Variants in DNAAF9 observed in about 807,000 individuals in gnomAD.
DNAAF9 encodes dynein axonemal assembly factor 9.
Under a neutral mutation model 167.0 loss-of-function variants are expected in DNAAF9, and 90 were observed. The ratio of observed to expected loss-of-function variants is 0.54; its 90% CI spans 0.45 to 0.64. The LOEUF (loss-of-function observed/expected upper bound fraction) is 0.64. Ranked by LOEUF, DNAAF9 falls within the 30% of genes least tolerant of loss-of-function variation. The probability of loss-of-function intolerance (pLI) is 0.00; values close to 1 mark genes in which losing one functional copy is unlikely to be tolerated. For synonymous variants in DNAAF9, 491 were observed against 508.8 expected (o/e 0.96, Z 0.47); for missense variants, 1,315 against 1,442.2 (o/e 0.91, Z 1.43).
At chr20:3,281,612 T>G in intron 28 of DNAAF9, 29 bp downstream of exon 28, 1 of 1,556,628 alleles carries the variant, frequency 6.4e-7, no homozygotes, top group Non-Finnish European at 8.7e-7. Flanking sequence ...TCACTTTCAG[T>G]ACACTTACAC....
At chr20:3,343,099 T>C (rs1194809741) in intron 9 of DNAAF9, among the ~76,000 whole-genome samples, 14 of 152,234 alleles carry the variant, frequency 9.2e-5, no homozygotes, top group Non-Finnish European at 1.9e-4. Flanking sequence ...TTGCTTCCTG[T>C]CATTTTCCTG....
At chr20:3,376,720 A>G (rs557007272) in intron 3 of DNAAF9, among the ~76,000 whole-genome samples, 1 of 152,340 alleles carries the variant, frequency 6.6e-6, no homozygotes, top group Non-Finnish European at 1.5e-5. Flanking sequence ...GTGGATTCAA[A>G]GATTTTCTGA....
At chr20:3,372,263 A>T (rs187625329) in intron 6 of DNAAF9, among the ~76,000 whole-genome samples, 2 of 152,250 alleles carry the variant, frequency 1.3e-5, no homozygotes, top group African/African-American at 4.8e-5. Context: ...TCTGTAGGCC[A>T]AACTGCTCCA....
intron 7 of DNAAF9, among the ~76,000 whole-genome samples, chr20:3,359,227 C>A (rs897447584): frequency 6.6e-6 from 1 of 152,142 alleles, no homozygotes; most frequent in Non-Finnish European, 1.5e-5. Context: ...AAAGTCCAGT[C>A]CAACAGAAAG....
At chr20:3,303,948 G>A (rs1366172196) in intron 21 of DNAAF9, among the ~76,000 whole-genome samples, 1 of 152,194 alleles carries the variant, frequency 6.6e-6, no homozygotes, top group African/African-American at 2.4e-5. Context: ...GAGGGAGGAG[G>A]GGCTAAACTC....
intron 1 of DNAAF9, among the ~76,000 whole-genome samples, chr20:3,393,147 A>G (rs957313796): frequency 6.6e-6 from 1 of 152,154 alleles, no homozygotes; most frequent in Non-Finnish European, 1.5e-5. Flanking sequence ...ATACCTGATC[A>G]CTAATGATGT....
Position 3,250,363 on chromosome 20 carries a change from T to C in DNAAF9, c.*2209A>G, listed in dbSNP as rs1462639710. 6.6e-6 allele frequency: 1 copy of C among 152,226 alleles called. No homozygotes were observed. The highest frequency in any genetic ancestry group is 2.4e-5 in the African/African-American group (1 of 41,452). 9.4% of individuals were successfully genotyped at this position (152,226 alleles called of 1,614,324 possible). A position where few individuals can be genotyped will look rare whatever the true frequency, so the allele number is the denominator to read the frequency against. On this transcript the variant is annotated 3_prime_UTR_variant, in exon 37 of 37. Transcript: ENST00000252032. ...GTGCACCGCGGGTGTGCCTTATCAG[T>C]GGGGCAGAGCAAGTGGCCCCAGGAA...
At chr20:3,362,471 T>C (rs1249565280) in intron 6 of DNAAF9, 1 of 386,248 alleles carries the variant, frequency 2.6e-6, no homozygotes, top group Non-Finnish European at 4.5e-6. Context: ...AACAGCTTCA[T>C]TTTTTTCACC....
chr20:3,333,865 G>A (rs969096761), intron 10 of DNAAF9, among the ~76,000 whole-genome samples: 4 of 152,074 alleles, frequency 2.6e-5, no homozygotes, highest in African/African-American at 9.7e-5. Flanking sequence ...CAGTAGAATG[G>A]GATCTATACA....
intron 10 of DNAAF9, 71 bp downstream of exon 10, chr20:3,340,433 T>TCCCCTC: frequency 9.0e-6 from 2 of 221,214 alleles, no homozygotes; most frequent in Non-Finnish European, 1.9e-5. Flanking sequence ...TTTGTCTAGC[T>TCCCCTC]CCCCCCACCC....
intron 20 of DNAAF9, among the ~76,000 whole-genome samples, chr20:3,310,577 C>T (rs1215303273): frequency 2.6e-5 from 4 of 151,586 alleles, no homozygotes; most frequent in African/African-American, 7.3e-5. Context: ...CCCAGCTACT[C>T]GGGAGGCTGA....
In DNAAF9 at chr20:3,281,781, A is replaced by C; in HGVS notation, c.2487-15T>G. ...CATCTGTGTAGCTGGGGAAGGTAAA[A>C]AAGGAATGATTAGTTCACTGACTGG... On this transcript the variant is annotated splice_polypyrimidine_tract_variant and intron_variant, in intron 27 of 36. Transcript: ENST00000252032. 1 of 1,603,816 alleles carries C rather than the reference A, an allele frequency of 6.2e-7. No individual in the cohort carries two copies. Among genetic ancestry groups the C allele is most frequent in the Non-Finnish European group, 8.5e-7 (1 of 1,175,846 alleles).
At chr20:3,335,259 T>A (rs1037950090) in intron 10 of DNAAF9, among the ~76,000 whole-genome samples, 1 of 152,220 alleles carries the variant, frequency 6.6e-6, no homozygotes, top group Non-Finnish European at 1.5e-5. Context: ...CTTTAAGTTA[T>A]TCTTTTAGGT....
intron 20 of DNAAF9, among the ~76,000 whole-genome samples, chr20:3,309,797 T>C (rs980030621): frequency 1.3e-5 from 2 of 152,206 alleles, no homozygotes; most frequent in African/African-American, 4.8e-5. Flanking sequence ...TAAGAACTTT[T>C]ATTCATGAAA....
At chr20:3,326,047 T>C (rs2069704953) in intron 13 of DNAAF9, 150 bp downstream of exon 13, 1 of 612,462 alleles carries the variant, frequency 1.6e-6, no homozygotes, top group Admixed American at 2.9e-5. Context: ...AGAAGCTCAG[T>C]GCTCTCAGGG....
chr20:3,304,249 T>C (rs572536852), intron 21 of DNAAF9, among the ~76,000 whole-genome samples, 191 bp downstream of exon 21: 1 of 152,174 alleles, frequency 6.6e-6, no homozygotes, highest in Non-Finnish European at 1.5e-5. Flanking sequence ...GTGAGGTTGA[T>C]GAGGCTCGTA....
At chr20:3,288,845 T>A (rs968744367) in intron 26 of DNAAF9, among the ~76,000 whole-genome samples, 1 of 152,172 alleles carries the variant, frequency 6.6e-6, no homozygotes, top group African/African-American at 2.4e-5. Context: ...CTTGTGCTCA[T>A]GGGAGGATCA....
intron 6 of DNAAF9, among the ~76,000 whole-genome samples, chr20:3,370,598 C>T (rs959658390): frequency 2.0e-5 from 3 of 152,030 alleles, no homozygotes; most frequent in African/African-American, 4.8e-5. Flanking sequence ...TTAGTAGAGA[C>T]GGGGTTTCAC....
chr20:3,302,135 C>T (rs2069200095), intron 21 of DNAAF9, among the ~76,000 whole-genome samples: 1 of 151,904 alleles, frequency 6.6e-6, no homozygotes, highest in Non-Finnish European at 1.5e-5. Flanking sequence ...GGTGGGGTTT[C>T]ACCATATTGG....
Sources: gnomAD v4.1 joint callset for allele counts (sites outside exome capture counted in the v4.1 genomes callset) on GRCh38, gnomAD v4.1.1 for gene constraint, MANE v1.5 for transcripts, NCBI Gene and HGNC (gene_info 2026-07-23, HGNC 2026-07-21) for gene names.